PHEX: variants seen among roughly 807,000 people sequenced by gnomAD.
The protein encoded by PHEX is phosphate-regulating neutral endopeptidase PHEX.
Under a neutral mutation model 68.0 loss-of-function variants are expected in PHEX, and 16 were observed. That is an observed-to-expected ratio of 0.24 (90% CI 0.16 to 0.36). The LOEUF is 0.36. Ranked by LOEUF, PHEX falls within the 10% of genes least tolerant of loss-of-function variation. The probability of loss-of-function intolerance (pLI) is 1.00; values close to 1 mark genes in which losing one functional copy is unlikely to be tolerated. For synonymous variants in PHEX, 208 were observed against 205.1 expected, an observed-to-expected ratio of 1.01 and a Z score of -0.12; for missense variants, 480 against 575.5, an observed-to-expected ratio of 0.83 and a Z score of 1.70.
chrX:22,241,955 C>T (rs1424495267), intron 20 of PHEX, among the ~76,000 whole-genome samples: 1 of 111,751 alleles, frequency 8.9e-6, no homozygotes, highest in Non-Finnish European at 1.9e-5. Flanking sequence ...GATACCAAAA[C>T]CTGGCAGAGA....
At chrX:22,128,239 A>G (rs191276969) in intron 11 of PHEX, among the ~76,000 whole-genome samples, 1 of 107,260 alleles carries the variant, frequency 9.3e-6, no homozygotes, top group East Asian at 2.9e-4. Flanking sequence ...CTTTTTTTGT[A>G]TCTAGTAGAG....
intron 15 of PHEX, among the ~76,000 whole-genome samples, chrX:22,198,760 T>C (rs763684313): frequency 2.5e-4 from 28 of 111,116 alleles, no homozygotes; most frequent in African/African-American, 9.2e-4. Context: ...GCTAGTATAG[T>C]TTTTTTGCGG....
rs759086924 is a variant in PHEX at position 22,248,341 on chromosome X, A to G, written c.*388A>G. On this transcript the variant is annotated 3_prime_UTR_variant, in exon 22 of 22. Coordinates refer to ENST00000379374, the MANE Select transcript of PHEX (RefSeq NM_000444.6). ...GATGTATCCTTTAAAAGTTCAATCT[A>G]TTAAACTTGTAGCCTCTCAATGATG... 2.1e-5 allele frequency: 4 copies of G among 190,066 alleles called. No individual in the cohort carries two copies. In the Admixed American group the frequency reaches 2.8e-4, roughly 13 times the overall value. The allele number at this position is 190,066 out of a possible 1,213,427, so 15.7% of individuals were successfully genotyped here.
chrX:22,247,864 A>G lies in PHEX; in HGVS notation c.2161A>G (p.Ile721Val), dbSNP rs766003166. Residue 721 changes from isoleucine (I) to valine (V), a missense_variant, in exon 22 of 22, where the codon ATT (isoleucine) becomes GTT (valine). Coordinates refer to ENST00000379374, the MANE Select transcript of PHEX (RefSeq NM_000444.6). ...SPPQFRVNGA[I>V]SNFEEFQKAF... Reference sequence around the variant, plus strand: ...ATCGTTTTTCAGGGTCAATGGTGCAATTAGTAACTTTGAAGAATTCCAGAA... The same window carrying G: ...ATCGTTTTTCAGGGTCAATGGTGCAGTTAGTAACTTTGAAGAATTCCAGAA... 2 of 1,201,412 alleles carry G rather than the reference A, an allele frequency of 1.7e-6. No homozygotes were observed. Among genetic ancestry groups the G allele is most frequent in the African/African-American group, 1.7e-5 (1 of 57,573 alleles).
intron 11 of PHEX, among the ~76,000 whole-genome samples, chrX:22,132,080 C>T (rs1419756300): frequency 3.6e-5 from 4 of 111,413 alleles, no homozygotes; most frequent in African/African-American, 1.3e-4. Flanking sequence ...TAGCAGCCCC[C>T]TTTAGACCTA....
At chrX:22,036,054 A>ATTTTT (rs72347239) in intron 1 of PHEX, among the ~76,000 whole-genome samples, 10 of 56,699 alleles carry the variant, frequency 1.8e-4, no homozygotes, top group African/African-American at 7.3e-4. Context: ...ATATATATAT[A>ATTTTT]TTTTTTTTTT....
In PHEX at chrX:22,144,827, G is replaced by C. The variant is rs751057351; in HGVS notation, c.1404+11203G>C. 8.2e-5 allele frequency among the ~76,000 whole-genome samples: 9 copies of C among 109,700 alleles called. No individual in the cohort carries two copies. In the South Asian group the frequency reaches 2.4e-3, roughly 29 times the overall value. ...GCAGTCAATAGGTACATCTTTTAAAGCTTTTTAAATTTTAAGAGTACCGCC... is the reference window on the plus strand; with the variant it reads ...GCAGTCAATAGGTACATCTTTTAAACCTTTTTAAATTTTAAGAGTACCGCC... On this transcript the variant is annotated intron_variant, in intron 12 of 21. Transcript: ENST00000379374.
chrX:22,094,017 C>G lies in PHEX; in HGVS notation c.767C>G (p.Thr256Ser), dbSNP rs746328622. The G allele has an allele frequency of 2.5e-6, 3 of 1,203,173 alleles. 1 individual carries two copies. The South Asian group carries it at 5.3e-5, about 21-fold the overall frequency. ...RDALYKFMVDTAVLLGANSSR... is the reference protein window; with the variant it reads ...RDALYKFMVDSAVLLGANSSR... ...GCCCTTTACAAGTTCATGGTGGATA[C>G]TGCCGTGCTTTTAGGAGCTAACAGT... The change falls in exon 7 of 22, where the codon ACT (threonine) becomes AGT (serine). Residue 256 changes from threonine (T) to serine (S), a missense_variant. Physicochemically the swap from Thr to Ser is moderately conservative, Grantham distance 58. Transcript: ENST00000379374.
chrX:22,104,646 G>A (rs1343156508), intron 9 of PHEX, among the ~76,000 whole-genome samples: 4 of 111,548 alleles, frequency 3.6e-5, no homozygotes, highest in African/African-American at 1.3e-4. Flanking sequence ...ACATCACTGG[G>A]TGAGGGGCAC....
chrX:22,047,955 GTT>G (rs11349562), intron 3 of PHEX, among the ~76,000 whole-genome samples: 1 of 103,200 alleles, frequency 9.7e-6, no homozygotes. Flanking sequence ...AAATAGTATG[GTT>G]TTTTTTTTTG....
chrX:22,097,779 T>A, intron 8 of PHEX: 1 of 659,262 alleles, frequency 1.5e-6, no homozygotes, highest in Non-Finnish European at 1.8e-6. Context: ...TTTATTTGTT[T>A]TTTTTTGAGA....
chrX:22,047,383 T>A (rs1193875020), intron 3 of PHEX, among the ~76,000 whole-genome samples, 172 bp downstream of exon 3: 1 of 112,332 alleles, frequency 8.9e-6, no homozygotes, highest in Non-Finnish European at 1.9e-5. Flanking sequence ...AATTCTGGAC[T>A]CCCAGATCTC....
Position 22,103,978 on chromosome X carries a change from G to T in PHEX, c.1079+4827G>T, listed in dbSNP as rs1041607123. Among the ~76,000 whole-genome samples the T allele has an allele frequency of 3.6e-5, 4 of 111,541 alleles. No homozygotes were observed. The Admixed American group carries it at 3.8e-4, about 11-fold the overall frequency. On this transcript the variant is annotated intron_variant, in intron 9 of 21. Transcript: ENST00000379374. ...CCATGCCAACATCTGTTATTTTTTTGATTTTTGATTATGGCCATTCTCACA... is the reference window on the plus strand; with the variant it reads ...CCATGCCAACATCTGTTATTTTTTTTATTTTTGATTATGGCCATTCTCACA...
chrX:22,127,163 C>T (rs949183414), intron 11 of PHEX, among the ~76,000 whole-genome samples: 11 of 110,826 alleles, frequency 9.9e-5, no homozygotes, highest in South Asian at 7.6e-4. Flanking sequence ...GGAGCCATTG[C>T]GCCCTGCCCC....
intron 5 of PHEX, among the ~76,000 whole-genome samples, chrX:22,085,903 C>G (rs1457917899): frequency 1.8e-5 from 2 of 111,886 alleles, no homozygotes; most frequent in Admixed American, 9.5e-5. Context: ...TTGAAGTTCC[C>G]TATCATTACT....
chrX:22,219,227 TG>T, intron 17 of PHEX, 124 bp downstream of exon 17: 2 of 522,784 alleles, frequency 3.8e-6, no homozygotes, highest in Non-Finnish European at 6.6e-6. Flanking sequence ...CAAAGCAATA[TG>T]ATTGCTGATT....
chrX:22,240,770 G>A (rs1320403252), intron 20 of PHEX, among the ~76,000 whole-genome samples: 4 of 111,624 alleles, frequency 3.6e-5, no homozygotes, highest in African/African-American at 1.3e-4. Context: ...CAAGTTCTCA[G>A]AGACCTACAA....
At chrX:22,223,727 C>T (rs932439162) in intron 18 of PHEX, among the ~76,000 whole-genome samples, 2 of 112,485 alleles carry the variant, frequency 1.8e-5, no homozygotes, top group Non-Finnish European at 3.8e-5. Flanking sequence ...AAGAGAGAGA[C>T]CCTGTCTCAA....
Position 22,132,251 on chromosome X carries a change from G to A in PHEX, c.1303-1272G>A, listed in dbSNP as rs982589967. The stretch of plus-strand genomic sequence containing the variant: ...AGTACCTAGGACTACAGGTGCAGGC[G>A]CCACCATGCCTGGCCTTTAAAAAAT... On this transcript the variant is annotated intron_variant, in intron 11 of 21. Transcript: ENST00000379374. Among the ~76,000 whole-genome samples, 16 of 110,687 alleles carry A rather than the reference G, an allele frequency of 1.4e-4. No individual in the cohort carries two copies. In the Admixed American group the frequency reaches 1.4e-3, roughly 10 times the overall value.
Sources: allele counts gnomAD v4.1 joint callset (sites outside exome capture counted in the v4.1 genomes callset), GRCh38; gene constraint gnomAD v4.1.1; transcripts MANE v1.5; gene names NCBI Gene and HGNC (gene_info 2026-07-23, HGNC 2026-07-21).